Variants in PPT1 observed in about 807,000 individuals in gnomAD.
The protein encoded by PPT1 is ceroid-palmitoyl-palmitoyl-protein thioesterase 1.
PPT1 carries 24 observed loss-of-function variants against 44.0 expected under a neutral mutation model. The ratio of observed to expected loss-of-function variants is 0.54; its 90% confidence interval spans 0.39 to 0.77. PPT1 has a LOEUF of 0.77. Ranked by LOEUF, PPT1 falls within the 30% of genes least tolerant of loss-of-function variation. The pLI, the probability that PPT1 is intolerant of heterozygous loss-of-function variation, is 0.00. For synonymous variants in PPT1, 148 were observed against 140.2 expected, an observed-to-expected ratio of 1.06 and a Z score of -0.39; for missense variants, 341 against 378.8, an observed-to-expected ratio of 0.90 and a Z score of 0.83.
intron 1 of PPT1, among the ~76,000 whole-genome samples, chr1:40,093,136 T>C (rs1398747166): frequency 6.6e-6 from 1 of 152,182 alleles, no homozygotes; most frequent in East Asian, 1.9e-4. Context: ...AGTCCATCAA[T>C]GAATGAATGA....
Position 40,076,839 on chromosome 1 carries a change from T to C in PPT1, c.798+3A>G, listed in dbSNP as rs1454468517. The C allele has an allele frequency of 3.7e-6, 6 of 1,614,018 alleles. No homozygotes were observed. Among genetic ancestry groups the C allele is most frequent in the Non-Finnish European group, 5.1e-6 (6 of 1,179,990 alleles). The stretch of plus-strand genomic sequence containing the variant: ...CTCCCAAGATAGACTCCCTGCCAGT[T>C]ACCTGTGTGTACAGGGAGGTCTCCT... On this transcript the variant is annotated splice_donor_region_variant and intron_variant, in intron 8 of 8. Coordinates refer to ENST00000642050, the MANE Select transcript of PPT1 (RefSeq NM_000310.4).
chr1:40,092,110 A>C lies in PPT1; in HGVS notation c.297T>G (p.Leu99=). 6.2e-7 allele frequency: 1 copy of C among 1,614,132 alleles called. No individual in the cohort carries two copies. Among genetic ancestry groups the C allele is most frequent in the Non-Finnish European group, 8.5e-7 (1 of 1,179,956 alleles). The change falls in exon 3 of 9, where the codon CTT becomes CTG. Residue 99 remains leucine (L), a synonymous_variant. Coordinates refer to ENST00000642050, the MANE Select transcript of PPT1 (RefSeq NM_000310.4). ...NSQVTTVCQA[L]AKDPKLQQGY... ...CTTGCTGCAATTTAGGATCCTTAGC[A>C]AGTGCCTGACACACTGTTGTTACTT...
intron 5 of PPT1, among the ~76,000 whole-genome samples, chr1:40,082,638 C>T (rs928204872): frequency 9.9e-5 from 15 of 152,140 alleles, no homozygotes; most frequent in African/African-American, 3.6e-4. Context: ...GGTGAGGAAG[C>T]TGCAGAAAAA....
chr1:40,091,200 A>C (rs1649542786), intron 4 of PPT1, 129 bp downstream of exon 4: 1 of 969,596 alleles, frequency 1.0e-6, no homozygotes, highest in African/African-American at 1.6e-5. Context: ...AGTTTGTTAA[A>C]AGCTAGAGAA....
intron 1 of PPT1, chr1:40,094,012 A>G: frequency 1.4e-6 from 1 of 705,684 alleles, no homozygotes; most frequent in Non-Finnish European, 2.6e-6. Flanking sequence ...GGGCAACATA[A>G]CGAGACCCTG....
At chr1:40,076,357 A>AGT (rs1648629267) in intron 8 of PPT1, among the ~76,000 whole-genome samples, 1 of 151,868 alleles carries the variant, frequency 6.6e-6, no homozygotes, top group African/African-American at 2.4e-5. Context: ...CCCAGCTACT[A>AGT]AGGGGGCTGA....
intron 1 of PPT1, among the ~76,000 whole-genome samples, chr1:40,093,024 A>G (rs1217360235): frequency 1.3e-5 from 2 of 152,220 alleles, no homozygotes; most frequent in Non-Finnish European, 2.9e-5. Context: ...ACTCCTAGTT[A>G]TACACCCCAA....
At chr1:40,092,636 A>C (rs1375093885) in intron 1 of PPT1, 129 bp from the exon 2 acceptor site, 1 of 788,440 alleles carries the variant, frequency 1.3e-6, no homozygotes, top group Non-Finnish European at 2.2e-6. Context: ...AAATATTTGC[A>C]AAACAGTTAT....
At position 40,092,143 on chromosome 1, in the gene PPT1, G is replaced by A. The variant is rs2124487920; in HGVS notation, c.264C>T (p.Val88=). The change falls in exon 3 of 9, where the codon GTC becomes GTT. Residue 88 remains valine, a synonymous_variant. Transcript: ENST00000642050. Reference sequence around the variant, plus strand: ...GACACACTGTTGTTACTTGGGAATTGACATTCAAGAAGAAGCTGTTCTCCA... The same window carrying A: ...GACACACTGTTGTTACTTGGGAATTAACATTCAAGAAGAAGCTGTTCTCCA... ...EDVENSFFLN[V]NSQVTTVCQA... is the part of the protein sequence containing the mutation. 6.2e-7 allele frequency: 1 copy of A among 1,614,084 alleles called. No homozygotes were observed. Among genetic ancestry groups the A allele is most frequent in the Non-Finnish European group, 8.5e-7 (1 of 1,179,948 alleles).
At chr1:40,085,342 T>C (rs1003271434) in intron 5 of PPT1, among the ~76,000 whole-genome samples, 3 of 152,168 alleles carry the variant, frequency 2.0e-5, no homozygotes, top group African/African-American at 7.2e-5. Context: ...TGACTTTACC[T>C]ATCATGGGAG....
At chr1:40,075,754 A>G (rs1248164064) in intron 8 of PPT1, among the ~76,000 whole-genome samples, 2 of 151,924 alleles carry the variant, frequency 1.3e-5, no homozygotes, top group African/African-American at 2.4e-5. Flanking sequence ...ACCTGAGGTC[A>G]GGAGTTGAAG....
downstream of PPT1, chr1:40,072,261 A>AC (rs1553165762): frequency 6.9e-6 from 2 of 289,820 alleles, no homozygotes; most frequent in Admixed American, 1.5e-4. Context: ...GGAAAAAAAA[A>AC]AAAAAAAAAA....
In PPT1 at chr1:40,078,666, A is replaced by G. The variant is rs758512449; in HGVS notation, c.628-8T>C. ...GTAGGACTCATTGATACCCTGAAAG[A>G]AAGGCCAGCAACACCTAAGGTCATT... On this transcript the variant is annotated splice_polypyrimidine_tract_variant and splice_region_variant and intron_variant, in intron 6 of 8. Coordinates refer to ENST00000642050, the MANE Select transcript of PPT1 (RefSeq NM_000310.4). 3.7e-6 allele frequency: 6 copies of G among 1,606,746 alleles called. No individual in the cohort carries two copies. Among genetic ancestry groups the G allele is most frequent in the Non-Finnish European group, 5.1e-6 (6 of 1,173,682 alleles).
chr1:40,080,549 G>T (rs1311568037), intron 5 of PPT1, 62 bp from the exon 6 acceptor site: 1 of 1,507,074 alleles, frequency 6.6e-7, no homozygotes, highest in Non-Finnish European at 9.2e-7. Flanking sequence ...CCCAGGGCAT[G>T]CTCAGTGCAA....
rs56338772 is a variant in PPT1 at position 40,075,958 on chromosome 1, CAAAAAAAAAAAAAAAA to C, written c.798+868_798+883del. Among the ~76,000 whole-genome samples, 11 of 41,834 alleles carry C rather than the reference CAAAAAAAAAAAAAAAA, an allele frequency of 2.6e-4. 1 individual carries two copies. Among genetic ancestry groups the C allele is most frequent in the Admixed American group, 8.9e-4 (2 of 2,252 alleles). The allele number at this position is 41,834 out of a possible 152,430, so 27.4% of individuals were successfully genotyped here. On this transcript the variant is annotated intron_variant, in intron 8 of 8. Transcript: ENST00000642050. ...CCTGGGTGACAAAGCAAGACTGTCT[CAAAAAAAAAAAAAAAA>C]AAAAAAAAAAAAAAAAATCCTTAAA...
chr1:40,074,241 G>GTTACTTGA, intron 8 of PPT1, 58 bp from the exon 9 acceptor site: 2 of 1,596,964 alleles, frequency 1.3e-6, no homozygotes, highest in Non-Finnish European at 1.7e-6. Context: ...GGAGTAAAAT[G>GTTACTTGA]GTAAGTACGT....
intron 3 of PPT1, 106 bp from the exon 4 acceptor site, chr1:40,091,505 G>T: frequency 9.8e-7 from 1 of 1,018,426 alleles, no homozygotes; most frequent in Non-Finnish European, 1.5e-6. Context: ...CCCCAAACCC[G>T]CAGAGTTTCA....
Position 40,074,194 on chromosome 1 carries a change from A to C in PPT1, c.799-11T>G, listed in dbSNP as rs1382850137. ...TAGCCCCAGGCGGTCCTGCAGAAGG[A>C]AAGGCCATAATTAATTAAAAAGCTT... is the stretch of plus-strand genomic sequence containing the variant. On this transcript the variant is annotated splice_polypyrimidine_tract_variant and intron_variant, in intron 8 of 8. Transcript: ENST00000642050. 1.2e-6 allele frequency: 2 copies of C among 1,614,080 alleles called. No individual in the cohort carries two copies. Among genetic ancestry groups the C allele is most frequent in the South Asian group, 2.2e-5 (2 of 91,082 alleles).
At chr1:40,093,813 G>T in intron 1 of PPT1, 1 of 482,544 alleles carries the variant, frequency 2.1e-6, no homozygotes, top group Non-Finnish European at 3.8e-6. Context: ...GAAACTGAAA[G>T]GTGGAGGTTT....
Sources: gnomAD v4.1 joint callset for allele counts (sites outside exome capture counted in the v4.1 genomes callset) on GRCh38, gnomAD v4.1.1 for gene constraint, MANE v1.5 for transcripts, NCBI Gene and HGNC (gene_info 2026-07-23, HGNC 2026-07-21) for gene names.